PPP1R36: variants seen among roughly 807,000 people sequenced by gnomAD.
The protein encoded by PPP1R36 is chromosome 14 open reading frame 50.
A neutral mutation model predicts 53.4 loss-of-function variants in PPP1R36; 47 were observed. The observed-to-expected ratio is 0.88, with a 90% confidence interval of 0.70 to 1.12. PPP1R36 has a LOEUF of 1.12. Among genes scored for constraint, PPP1R36 ranks in the 50% most tolerant of loss-of-function variants. The pLI, the probability that PPP1R36 is intolerant of heterozygous loss-of-function variation, is 0.00. For missense variants in PPP1R36, 456 were observed against 513.9 expected, an observed-to-expected ratio of 0.89 and a Z score of 1.09; for synonymous variants, 153 against 170.5, an observed-to-expected ratio of 0.90 and a Z score of 0.80.
chr14:64,552,687 C>G, intron 2 of PPP1R36, 127 bp from the exon 3 acceptor site: 1 of 676,248 alleles, frequency 1.5e-6, no homozygotes, highest in East Asian at 2.9e-5. Flanking sequence ...GATAATTAAA[C>G]AAATAATTCA....
chr14:64,570,288 C>T (rs371952833), intron 7 of PPP1R36, among the ~76,000 whole-genome samples: 1 of 152,146 alleles, frequency 6.6e-6, no homozygotes. Flanking sequence ...TCGAGACCAG[C>T]CTGACCAACA....
At chr14:64,556,192 G>A (rs1295130665) in intron 3 of PPP1R36, among the ~76,000 whole-genome samples, 5 of 133,178 alleles carry the variant, frequency 3.8e-5, no homozygotes, top group African/African-American at 1.2e-4. Context: ...TGCAGCCTCT[G>A]CCTCCCAGGC....
In PPP1R36 at chr14:64,588,909, T is replaced by G. The variant is rs141741909; in HGVS notation, c.1083-243T>G. Among the ~76,000 whole-genome samples the G allele has an allele frequency of 2.0e-3, 297 of 152,300 alleles. 2 individuals carry two copies. The highest frequency in any genetic ancestry group is 6.7e-3 in the African/African-American group (280 of 41,562). ...AGGTTTTTCTATTAGTAGAATCACC[T>G]TTGAGAAATGTGGGAAGCGCTAGTA... is the stretch of plus-strand genomic sequence containing the variant. On this transcript the variant is annotated intron_variant, in intron 11 of 11. Transcript: ENST00000298705.
intron 6 of PPP1R36, among the ~76,000 whole-genome samples, chr14:64,566,665 C>T (rs545643217): frequency 7.2e-5 from 11 of 152,322 alleles, no homozygotes; most frequent in African/African-American, 2.4e-4. Context: ...GCACCGCGAA[C>T]GCTCAGTGAG....
intron 8 of PPP1R36, among the ~76,000 whole-genome samples, chr14:64,575,541 G>T (rs1051286251): frequency 1.3e-5 from 2 of 151,870 alleles, no homozygotes; most frequent in Non-Finnish European, 2.9e-5. Context: ...TGTTCATTTG[G>T]ACTATTTCCT....
Position 64,552,838 on chromosome 14 carries a change from G to C in PPP1R36, c.159G>C (p.Gln53His), listed in dbSNP as rs1463090198. The change falls in exon 3 of 12, where the codon CAG becomes CAC. Residue 53 changes from glutamine to histidine, a missense_variant. Coordinates refer to ENST00000298705, the MANE Select transcript of PPP1R36 (RefSeq NM_172365.3). ...GGTTTGCCGCAGAAGATTCTGTCCA[G>C]TGGCTCCTGAAACATCACCCTCAGT... Reference protein sequence around the residue: ...FRRFAAEDSVQWLLKHHPHFT... With the variant: ...FRRFAAEDSVHWLLKHHPHFT... The C allele has an allele frequency of 3.7e-6, 6 of 1,613,812 alleles. No homozygotes were observed. The South Asian group carries it at 6.6e-5, about 18-fold the overall frequency.
intron 8 of PPP1R36, among the ~76,000 whole-genome samples, chr14:64,575,074 C>T (rs2080331843): frequency 6.6e-6 from 1 of 152,130 alleles, no homozygotes; most frequent in African/African-American, 2.4e-5. Flanking sequence ...ATTTTTACAC[C>T]ACTGTAATTA....
At position 64,550,947 on chromosome 14, in the gene PPP1R36, G is replaced by C; in HGVS notation, c.96G>C (p.Trp32Cys). 6.2e-7 allele frequency: 1 copy of C among 1,610,058 alleles called. No homozygotes were observed. Among genetic ancestry groups the C allele is most frequent in the Non-Finnish European group, 8.5e-7 (1 of 1,178,318 alleles). Residue 32 changes from tryptophan (W) to cysteine (C), a missense_variant, in exon 2 of 12, where the codon TGG (tryptophan) becomes TGC (cysteine). By Grantham distance (215) the Trp-to-Cys change is radical. Transcript: ENST00000298705. ...MDQLGLRLGMWYWKDETRTLE... is the reference protein window; with the variant it reads ...MDQLGLRLGMCYWKDETRTLE... ...AGTTGGGATTACGATTAGGGATGTGGTACTGGAAAGATGAAACCAGAACTC... is the reference window on the plus strand; with the variant it reads ...AGTTGGGATTACGATTAGGGATGTGCTACTGGAAAGATGAAACCAGAACTC...
rs1471734856 is a variant in PPP1R36, at chr14:64,587,473, T to C, written c.890+101T>C. On this transcript the variant is annotated intron_variant, in intron 10 of 11. Transcript: ENST00000298705. ...CTTTTTTTTTTTTTTTTTTTTTTTTTTTTTTGAGACAGAGTCTTGCTCTAT... is the reference window on the plus strand; with the variant it reads ...CTTTTTTTTTTTTTTTTTTTTTTTTCTTTTTGAGACAGAGTCTTGCTCTAT... The C allele has an allele frequency of 7.9e-6, 5 of 633,102 alleles. No homozygotes were observed. The African/African-American group carries it at 1.2e-4, about 15-fold the overall frequency. 39.2% of individuals were successfully genotyped at this position (633,102 alleles called of 1,614,324 possible).
chr14:64,561,431 C>G (rs575648831), intron 3 of PPP1R36, among the ~76,000 whole-genome samples: 17 of 152,172 alleles, frequency 1.1e-4, no homozygotes, highest in Non-Finnish European at 2.1e-4. Flanking sequence ...AACCTCCATG[C>G]AAGAAATGCC....
intron 8 of PPP1R36, among the ~76,000 whole-genome samples, chr14:64,580,108 C>G (rs1384384859): frequency 6.6e-6 from 1 of 152,080 alleles, no homozygotes; most frequent in Middle Eastern, 3.2e-3. Context: ...GAGACCAGCC[C>G]GGGCAACACA....
At chr14:64,584,471 C>G (rs948345859) in intron 8 of PPP1R36, among the ~76,000 whole-genome samples, 1 of 152,262 alleles carries the variant, frequency 6.6e-6, no homozygotes, top group Middle Eastern at 3.4e-3. Context: ...GGAAGAGGAG[C>G]TTTGAAAGGG....
intron 7 of PPP1R36, 67 bp downstream of exon 7, chr14:64,568,514 A>G (rs1462242601): frequency 1.7e-5 from 12 of 692,008 alleles, no homozygotes; most frequent in Admixed American, 2.9e-5. Flanking sequence ...ACTTTTGTCT[A>G]GGATAAAGAG....
Position 64,549,971 on chromosome 14 carries a change from A to G in PPP1R36, c.-27A>G, listed in dbSNP as rs1009584314. 6.8e-5 allele frequency: 106 copies of G among 1,550,826 alleles called. No homozygotes were observed. Among genetic ancestry groups the G allele is most frequent in the Non-Finnish European group, 8.9e-5 (102 of 1,146,286 alleles). ...GCGCCTGCGGGCGGTATCCTCGGCG[A>G]CGCCGTATGGCTTCCAGGGCGAGGC... is the stretch of plus-strand genomic sequence containing the variant. On this transcript the variant is annotated 5_prime_UTR_variant, in exon 1 of 12. Transcript: ENST00000298705.
intron 3 of PPP1R36, among the ~76,000 whole-genome samples, chr14:64,557,840 C>A (rs1368574395): frequency 6.6e-6 from 1 of 152,112 alleles, no homozygotes; most frequent in Non-Finnish European, 1.5e-5. Flanking sequence ...AAAACCCCGT[C>A]TCTACTAAAA....
intron 8 of PPP1R36, among the ~76,000 whole-genome samples, chr14:64,577,373 G>A (rs1420629470): frequency 6.6e-6 from 1 of 152,176 alleles, no homozygotes; most frequent in Non-Finnish European, 1.5e-5. Context: ...GCCAGTGTCT[G>A]GGTGCAGCAA....
rs1437982581 is a variant in PPP1R36 at position 64,586,868 on chromosome 14, A to T, written c.700A>T (p.Lys234Ter). The T allele has an allele frequency of 1.9e-6, 3 of 1,612,180 alleles. No individual in the cohort carries two copies. In the Admixed American group the frequency reaches 5.0e-5, roughly 27 times the overall value. ...EKISDTQKDWKFFESFYTFCT... is the reference protein window; with the variant it reads ...EKISDTQKDW The stretch of plus-strand genomic sequence containing the variant: ...AATATCAGATACACAGAAAGACTGG[A>T]AGTTCTTTGAGGTGAGTCACTTATG... Residue 234 changes from lysine (K) to a stop codon, truncating the protein, a stop_gained, in exon 9 of 12, where the codon AAG (lysine) becomes TAG (stop). Transcript: ENST00000298705. LOFTEE classifies it high-confidence loss of function.
intron 8 of PPP1R36, among the ~76,000 whole-genome samples, chr14:64,583,536 C>G (rs373731317): frequency 6.6e-6 from 1 of 151,984 alleles, no homozygotes; most frequent in African/African-American, 2.4e-5. Flanking sequence ...AGAGTTAGGC[C>G]GGGCGCTGTG....
intron 8 of PPP1R36, among the ~76,000 whole-genome samples, chr14:64,583,439 C>A (rs1162125662): frequency 6.6e-6 from 1 of 152,130 alleles, no homozygotes; most frequent in Admixed American, 6.6e-5. Context: ...AGGGCTAAAT[C>A]AGAATGGCAA....
Sources: gnomAD v4.1 joint callset for allele counts (sites outside exome capture counted in the v4.1 genomes callset) on GRCh38, gnomAD v4.1.1 for gene constraint, MANE v1.5 for transcripts, NCBI Gene and HGNC (gene_info 2026-07-23, HGNC 2026-07-21) for gene names.